Variants in UBAC2 observed in about 807,000 individuals in gnomAD.
UBAC2 encodes the protein ubiquitin-associated domain-containing protein 2.
Under a neutral mutation model 44.0 loss-of-function variants are expected in UBAC2, and 26 were observed. The observed-to-expected ratio is 0.59, with a 90% CI of 0.43 to 0.82. The LOEUF (loss-of-function observed/expected upper bound fraction) is 0.82, where lower values mean the gene tolerates loss of function less well. UBAC2 is among the 40% of genes least tolerant of loss of function. The pLI, the probability that UBAC2 is intolerant of heterozygous loss-of-function variation, is 0.00. For missense variants in UBAC2, 329 were observed against 419.4 expected, an observed-to-expected ratio of 0.78 and a Z score of 1.88; for synonymous variants, 155 against 154.3, an observed-to-expected ratio of 1.00 and a Z score of -0.04.
chr13:99,284,510 T>TA (rs1192148978), intron 4 of UBAC2, among the ~76,000 whole-genome samples: 2 of 152,246 alleles, frequency 1.3e-5, no homozygotes, highest in Non-Finnish European at 2.9e-5. Context: ...CATTTGCTGT[T>TA]ATCATTTTCT....
chr13:99,311,783 A>C (rs2044414200), intron 4 of UBAC2, among the ~76,000 whole-genome samples: 1 of 152,234 alleles, frequency 6.6e-6, no homozygotes, highest in Non-Finnish European at 1.5e-5. Context: ...AACTGTGCCA[A>C]GCATTGTGCC....
chr13:99,362,157 C>T (rs2045274028), intron 7 of UBAC2, among the ~76,000 whole-genome samples: 1 of 151,962 alleles, frequency 6.6e-6, no homozygotes, highest in South Asian at 2.1e-4. Flanking sequence ...TATTCTTGTA[C>T]AACTTTATTT....
intron 2 of UBAC2, among the ~76,000 whole-genome samples, chr13:99,242,009 C>T (rs2043307248): frequency 6.6e-6 from 1 of 151,034 alleles, no homozygotes; most frequent in African/African-American, 2.4e-5. Flanking sequence ...ATCCATTTAA[C>T]CCTGAGTGGA....
In UBAC2 at chr13:99,314,080, T is replaced by G. The variant is rs1299092066; in HGVS notation, c.390-17T>G. The G allele has an allele frequency of 1.3e-6, 2 of 1,593,040 alleles. No individual in the cohort carries two copies. The highest frequency in any genetic ancestry group is 2.7e-5 in the African/African-American group (2 of 73,862). On this transcript the variant is annotated splice_polypyrimidine_tract_variant and intron_variant, in intron 4 of 8. Coordinates refer to ENST00000403766, the MANE Select transcript of UBAC2 (RefSeq NM_001144072.2). The stretch of plus-strand genomic sequence containing the variant: ...AAATTCACTATTATAGTGATTTTTT[T>G]TTATTTGTTTGCATAGCCTGGCACC...
intron 1 of UBAC2, among the ~76,000 whole-genome samples, chr13:99,211,169 G>A (rs919167907): frequency 5.3e-5 from 8 of 152,102 alleles, no homozygotes; most frequent in South Asian, 2.1e-4. Flanking sequence ...ATTACATTTC[G>A]TATTCACAGC....
chr13:99,242,365 G>T (rs1212919259), intron 2 of UBAC2, among the ~76,000 whole-genome samples: 1 of 147,594 alleles, frequency 6.8e-6, no homozygotes, highest in Non-Finnish European at 1.5e-5. Flanking sequence ...CGGGGCGGCT[G>T]TCCGGGCAGA....
chr13:99,314,505 G>A (rs1361830946), intron 5 of UBAC2, among the ~76,000 whole-genome samples: 7 of 152,114 alleles, frequency 4.6e-5, no homozygotes, highest in South Asian at 4.1e-4. Flanking sequence ...TTGCATGTGC[G>A]TACTTTTTAA....
intron 4 of UBAC2, chr13:99,255,618 A>G: frequency 1.2e-6 from 2 of 1,614,212 alleles, no homozygotes; most frequent in Non-Finnish European, 1.7e-6. Flanking sequence ...ATGGCCATTC[A>G]TCTTTTGCAT....
chr13:99,242,610 G>A (rs1421069329), intron 2 of UBAC2, among the ~76,000 whole-genome samples: 6 of 68,002 alleles, frequency 8.8e-5, no homozygotes, highest in Non-Finnish European at 1.5e-4. Flanking sequence ...CCTCCCAGAC[G>A]GGGTGGCTGG....
At chr13:99,222,150 T>G (rs1244278369) in intron 1 of UBAC2, among the ~76,000 whole-genome samples, 1 of 152,190 alleles carries the variant, frequency 6.6e-6, no homozygotes, top group African/African-American at 2.4e-5. Context: ...GGACCCTGTC[T>G]TCACAGGGTT....
chr13:99,218,743 A>C (rs185896045), intron 1 of UBAC2, among the ~76,000 whole-genome samples: 14 of 152,234 alleles, frequency 9.2e-5, no homozygotes, highest in Admixed American at 3.3e-4. Context: ...ACTTCTAAAC[A>C]CTGTAGGGAA....
chr13:99,277,423 G>T (rs2043898345), intron 4 of UBAC2, among the ~76,000 whole-genome samples: 1 of 152,150 alleles, frequency 6.6e-6, no homozygotes, highest in Non-Finnish European at 1.5e-5. Context: ...TACTAGGGAG[G>T]CTGAGGCAGG....
At chr13:99,278,978 G>T (rs1031744030) in intron 4 of UBAC2, among the ~76,000 whole-genome samples, 1 of 152,162 alleles carries the variant, frequency 6.6e-6, no homozygotes, top group African/African-American at 2.4e-5. Flanking sequence ...TAACAAATGT[G>T]TGTGAATGTT....
At chr13:99,310,770 A>G (rs1004438406) in intron 4 of UBAC2, among the ~76,000 whole-genome samples, 1 of 152,252 alleles carries the variant, frequency 6.6e-6, no homozygotes, top group Non-Finnish European at 1.5e-5. Context: ...GTTTACGTTG[A>G]AATGTAACCT....
Position 99,367,945 on chromosome 13 carries a change from A to G in UBAC2, c.927+39A>G, listed in dbSNP as rs369080392. On this transcript the variant is annotated intron_variant, in intron 8 of 8. Coordinates refer to ENST00000403766, the MANE Select transcript of UBAC2 (RefSeq NM_001144072.2). ...AATACCTGGTACTCATTCTAAATCC[A>G]TGTTTCAGAGTTGAAGCAGTTTCGA... The G allele has an allele frequency of 7.5e-6, 12 of 1,595,272 alleles. No homozygotes were observed. In the Admixed American group the frequency reaches 1.1e-4, roughly 14 times the overall value.
intron 1 of UBAC2, among the ~76,000 whole-genome samples, chr13:99,227,558 G>A (rs1266557759): frequency 1.3e-5 from 2 of 152,126 alleles, no homozygotes; most frequent in Admixed American, 6.5e-5. Context: ...CATGTGTTTG[G>A]GAAGAGACGG....
intron 8 of UBAC2, among the ~76,000 whole-genome samples, chr13:99,381,285 A>C (rs2045547352): frequency 6.6e-6 from 1 of 152,208 alleles, no homozygotes; most frequent in Non-Finnish European, 1.5e-5. Flanking sequence ...ATGTATCATC[A>C]GTGGAGGGAG....
intron 1 of UBAC2, among the ~76,000 whole-genome samples, chr13:99,222,314 A>G (rs2043060055): frequency 6.6e-6 from 1 of 152,222 alleles, no homozygotes; most frequent in African/African-American, 2.4e-5. Flanking sequence ...ATGAGGACTC[A>G]ATGGTGAGAA....
chr13:99,221,862 A>G (rs924181185), intron 1 of UBAC2, among the ~76,000 whole-genome samples: 1 of 152,118 alleles, frequency 6.6e-6, no homozygotes, highest in African/African-American at 2.4e-5. Context: ...CTGGGATCAC[A>G]TTCCAAAATA....
Sources: gnomAD v4.1 joint callset for allele counts (sites outside exome capture counted in the v4.1 genomes callset) on GRCh38, gnomAD v4.1.1 for gene constraint, MANE v1.5 for transcripts, NCBI Gene and HGNC (gene_info 2026-07-23, HGNC 2026-07-21) for gene names.